HSD11B1: variants seen among roughly 807,000 people sequenced by gnomAD.
HSD11B1 encodes the protein hydroxysteroid 11-beta dehydrogenase 1, also known as 11-beta-hydroxysteroid dehydrogenase 1.
In HSD11B1, 15 loss-of-function variants were observed where a neutral mutation model predicts 22.1. The observed-to-expected ratio is 0.68, with a 90% CI of 0.45 to 1.04. The LOEUF (loss-of-function observed/expected upper bound fraction) is 1.04, where lower values mean the gene tolerates loss of function less well. Ranked by LOEUF, HSD11B1 falls within the 50% of genes least tolerant of loss-of-function variation. HSD11B1 has a pLI of 0.00. For missense variants in HSD11B1, 281 were observed against 357.6 expected (o/e 0.79, Z 1.73); for synonymous variants, 122 against 125.2 (o/e 0.97, Z 0.17).
Position 209,692,614 on chromosome 1 carries a change from G to GGGA in HSD11B1, c.-49+6331_-49+6332insAGG, listed in dbSNP as rs550580098. Reference sequence around the variant, plus strand: ...AATCGGGTATTAAAATGGCGGGGGGGGGGGTGGGGGCTCGGTTCTTGCTAA... The same window carrying GGGA: ...AATCGGGTATTAAAATGGCGGGGGGGGGAGGGGTGGGGGCTCGGTTCTTGCTAA... On this transcript the variant is annotated intron_variant, in intron 1 of 6. Transcript: ENST00000261465. 1.8e-5 allele frequency among the ~76,000 whole-genome samples: 2 copies of GGGA among 114,058 alleles called. 1 individual carries two copies. The highest frequency in any genetic ancestry group is 3.8e-5 in the Non-Finnish European group (2 of 53,160). The allele number at this position is 114,058 out of a possible 152,430, so 74.8% of individuals were successfully genotyped here.
chr1:209,720,407 TAAC>T (rs966972971), intron 4 of HSD11B1, among the ~76,000 whole-genome samples: 5 of 152,082 alleles, frequency 3.3e-5, no homozygotes, highest in African/African-American at 7.2e-5. Context: ...GGTAAATGTT[TAAC>T]AACAAGCTAT....
intron 1 of HSD11B1, among the ~76,000 whole-genome samples, chr1:209,705,389 A>C (rs930609768): frequency 6.6e-6 from 1 of 151,568 alleles, no homozygotes; most frequent in South Asian, 2.1e-4. Flanking sequence ...AAAAAAAAAA[A>C]AAACTGGAGA....
intron 4 of HSD11B1, among the ~76,000 whole-genome samples, chr1:209,731,685 C>T (rs757690485): frequency 6.6e-6 from 1 of 152,144 alleles, no homozygotes; most frequent in South Asian, 2.1e-4. Flanking sequence ...TTTTAAAAAG[C>T]GGCTTTGGGT....
chr1:209,696,157 A>G (rs2076790086), intron 1 of HSD11B1, among the ~76,000 whole-genome samples: 1 of 152,232 alleles, frequency 6.6e-6, no homozygotes, highest in Non-Finnish European at 1.5e-5. Context: ...AGGCAAGTCT[A>G]TACATGGAAA....
In HSD11B1 at chr1:209,694,728, T is replaced by C. The variant is rs1433177645; in HGVS notation, c.-49+8443T>C. On this transcript the variant is annotated intron_variant, in intron 1 of 6. Transcript: ENST00000261465. ...GTGCTGGGATATTCATGTCTTAAGT[T>C]GGATGGTGAGCCATGAGGCTTTTGT... 6.6e-5 allele frequency among the ~76,000 whole-genome samples: 10 copies of C among 152,242 alleles called. No homozygotes were observed. The South Asian group carries it at 1.9e-3, about 28-fold the overall frequency.
rs544998400 is a variant in HSD11B1, at chr1:209,707,136, G to T, written c.517+8G>T. The T allele has an allele frequency of 1.2e-6, 2 of 1,609,996 alleles. No individual in the cohort carries two copies. Among genetic ancestry groups the T allele is most frequent in the African/African-American group, 2.7e-5 (2 of 73,666 alleles). On this transcript the variant is annotated splice_region_variant and intron_variant, in intron 4 of 5. Coordinates refer to ENST00000367027, the MANE Select transcript of HSD11B1 (RefSeq NM_005525.4). ...TCGTCTCCTCTCTGGCTGGTAAGTG[G>T]GACAGGGACATATGTGGAAGGTAGA...
upstream of HSD11B1, among the ~76,000 whole-genome samples, chr1:209,704,512 C>T (rs1254265083): frequency 1.3e-5 from 2 of 152,122 alleles, no homozygotes; most frequent in African/African-American, 2.4e-5. Context: ...TTTGCTATTA[C>T]TCACATTTCC....
rs1043896675 is a variant in HSD11B1, at chr1:209,706,248, T to G, written c.219+307T>G. 3.3e-5 allele frequency among the ~76,000 whole-genome samples: 5 copies of G among 152,150 alleles called. No individual in the cohort carries two copies. The highest frequency in any genetic ancestry group is 7.4e-5 in the Non-Finnish European group (5 of 68,020). ...ACACATTTACACATGGAACTACAGATACATACGGATGTTTTCAAAAACTGA... is the reference window on the plus strand; with the variant it reads ...ACACATTTACACATGGAACTACAGAGACATACGGATGTTTTCAAAAACTGA... On this transcript the variant is annotated intron_variant, in intron 2 of 5. Transcript: ENST00000367027. This position sits in a 1 kb window ranked among gnomAD's most constrained non-coding sequence, Gnocchi z 4.0.
At chr1:209,698,412 G>C (rs140951808) in intron 1 of HSD11B1, among the ~76,000 whole-genome samples, 47 of 152,292 alleles carry the variant, frequency 3.1e-4, no homozygotes, top group Non-Finnish European at 5.9e-4. Context: ...CTGGAACCTT[G>C]AGATGCCCAC....
At chr1:209,696,521 A>G (rs1220266020) in intron 1 of HSD11B1, among the ~76,000 whole-genome samples, 2 of 152,220 alleles carry the variant, frequency 1.3e-5, no homozygotes, top group Non-Finnish European at 2.9e-5. Context: ...AGACTCATCC[A>G]TCAACACAAA....
At position 209,707,120 on chromosome 1, in the gene HSD11B1, C is replaced by G. The variant is rs1359506762; in HGVS notation, c.509C>G (p.Ser170Cys). 1 of 1,613,694 alleles carries G rather than the reference C, an allele frequency of 6.2e-7. No homozygotes were observed. The highest frequency in any genetic ancestry group is 2.2e-5 in the East Asian group (1 of 44,860). The change falls in exon 4 of 6, where the codon TCT becomes TGT. Residue 170 changes from serine (S) to cysteine (C), a missense_variant. Coordinates refer to ENST00000367027, the MANE Select transcript of HSD11B1 (RefSeq NM_005525.4). ...AATGGAAGCATTGTTGTCGTCTCCT[C>G]TCTGGCTGGTAAGTGGGACAGGGAC... ...QSNGSIVVVS[S>C]LAGKVAYPMV... is the part of the protein sequence containing the mutation.
Position 209,730,599 on chromosome 1 carries a change from AAAG to A in HSD11B1, c.518-1833_518-1831del, listed in dbSNP as rs201324870. Among the ~76,000 whole-genome samples, 1,278 of 152,328 alleles carry A rather than the reference AAAG, an allele frequency of 8.4e-3. 12 individuals are homozygous for A. The highest frequency in any genetic ancestry group is 0.028 in the African/African-American group (1,162 of 41,564). On this transcript the variant is annotated intron_variant, in intron 4 of 5. Transcript: ENST00000367027. ...CTGAACAAAATCAGACTCTATTATT[AAAG>A]AAGGAGGAATGGATATTGGGTAGAT... is the stretch of plus-strand genomic sequence containing the variant.
At chr1:209,730,635 T>C (rs542670672) in intron 4 of HSD11B1, among the ~76,000 whole-genome samples, 1 of 152,272 alleles carries the variant, frequency 6.6e-6, no homozygotes, top group Admixed American at 6.5e-5. Flanking sequence ...GATAACACTA[T>C]TTACTATCAT....
At chr1:209,704,804 G>A, upstream of HSD11B1, 1 of 679,340 alleles carries the variant, frequency 1.5e-6, no homozygotes. Context: ...AAATTGGCTA[G>A]CACTGCCTGA....
intron 1 of HSD11B1, among the ~76,000 whole-genome samples, chr1:209,688,079 A>G (rs1437265217): frequency 6.6e-6 from 1 of 152,228 alleles, no homozygotes; most frequent in Non-Finnish European, 1.5e-5. Flanking sequence ...TGGTAAGCCC[A>G]GGATCAGGCT....
chr1:209,732,778 T>G (rs1173938976), intron 5 of HSD11B1, among the ~76,000 whole-genome samples, 199 bp downstream of exon 5: 1 of 148,424 alleles, frequency 6.7e-6, no homozygotes, highest in Admixed American at 6.8e-5. Context: ...CAGTGTGTGA[T>G]GTCCCCCTTC....
At chr1:209,714,927 G>T (rs2076921018) in intron 4 of HSD11B1, among the ~76,000 whole-genome samples, 2 of 152,146 alleles carry the variant, frequency 1.3e-5, no homozygotes, top group African/African-American at 4.8e-5. Flanking sequence ...GCCTAAGTGG[G>T]CCAAGGAGGC....
At chr1:209,733,133 T>C (rs1250464718) in intron 5 of HSD11B1, among the ~76,000 whole-genome samples, 1 of 152,182 alleles carries the variant, frequency 6.6e-6, no homozygotes, top group Non-Finnish European at 1.5e-5. Flanking sequence ...TCAATGGCCA[T>C]TACGTTTCTA....
At chr1:209,729,527 T>C (rs2077023105) in intron 4 of HSD11B1, among the ~76,000 whole-genome samples, 1 of 152,142 alleles carries the variant, frequency 6.6e-6, no homozygotes, top group Non-Finnish European at 1.5e-5. Flanking sequence ...AACACGTGGC[T>C]TCTACCTCAT....
Sources: gnomAD v4.1 joint callset for allele counts (sites outside exome capture counted in the v4.1 genomes callset) on GRCh38, gnomAD v4.1.1 for gene constraint, Gnocchi (gnomAD v3.1) non-coding constraint, MANE v1.5 for transcripts, NCBI Gene and HGNC (gene_info 2026-07-23, HGNC 2026-07-21) for gene names.